Variants in SOX5 observed in about 807,000 individuals in gnomAD.
SOX5 encodes SRY-box transcription factor 5.
A neutral mutation model predicts 92.0 loss-of-function variants in SOX5; 9 were observed. The ratio of observed to expected loss-of-function variants is 0.10; its 90% confidence interval spans 0.06 to 0.17. The LOEUF (loss-of-function observed/expected upper bound fraction) is 0.17. Among genes scored for constraint, SOX5 ranks in the 10% least tolerant of loss-of-function variants. SOX5 has a pLI of 1.00. For synonymous variants in SOX5, 344 were observed against 336.3 expected, an observed-to-expected ratio of 1.02 and a Z score of -0.25; for missense variants, 642 against 944.5, an observed-to-expected ratio of 0.68 and a Z score of 4.20.
intron 12 of SOX5, among the ~76,000 whole-genome samples, chr12:23,544,312 T>C (rs992424086): frequency 2.0e-5 from 3 of 152,130 alleles, no homozygotes; most frequent in African/African-American, 7.2e-5. Context: ...GATACTTGAG[T>C]TTAGGCAAAG....
intron 6 of SOX5, among the ~76,000 whole-genome samples, chr12:23,722,006 T>C (rs575107765): frequency 1.6e-4 from 25 of 152,356 alleles, no homozygotes; most frequent in African/African-American, 6.0e-4. Context: ...TGAGAAATAC[T>C]GCATCTACCT....
chr12:24,377,844 G>A (rs1378262128), intron 1 of SOX5, among the ~76,000 whole-genome samples: 1 of 152,192 alleles, frequency 6.6e-6, no homozygotes, highest in Admixed American at 6.5e-5. Context: ...AGCCCCTAAT[G>A]AGTGCTGGTC....
At chr12:24,387,887 G>A (rs1047391362) in intron 1 of SOX5, among the ~76,000 whole-genome samples, 3 of 152,164 alleles carry the variant, frequency 2.0e-5, no homozygotes, top group East Asian at 1.9e-4. Flanking sequence ...AATCCCAACT[G>A]AGCAGCTCAT....
At chr12:24,455,201 C>A (rs968469291) in intron 1 of SOX5, among the ~76,000 whole-genome samples, 2 of 152,182 alleles carry the variant, frequency 1.3e-5, no homozygotes, top group Non-Finnish European at 2.9e-5. Flanking sequence ...ACAGGAGAAA[C>A]ACATAGTCCT....
intron 4 of SOX5, among the ~76,000 whole-genome samples, chr12:24,104,441 A>C (rs770217762): frequency 6.6e-6 from 1 of 152,230 alleles, no homozygotes; most frequent in Non-Finnish European, 1.5e-5. Flanking sequence ...ATACCATATC[A>C]ATCTGACATT....
At position 24,272,384 on chromosome 12, in the gene SOX5, C is replaced by T. The variant is rs139573513; in HGVS notation, c.-77+4832G>A. Among the ~76,000 whole-genome samples, 284 of 152,202 alleles carry T rather than the reference C, an allele frequency of 1.9e-3. 2 individuals are homozygous for T. Among genetic ancestry groups the T allele is most frequent in the African/African-American group, 6.2e-3 (256 of 41,536 alleles). ...TTTATTTCCTTATCTTTCTTTACTG[C>T]ATTGACTAGGATTTCTAGAAAAATA... On this transcript the variant is annotated intron_variant, in intron 3 of 4. Coordinates refer to the SOX5 transcript ENST00000446891.
chr12:23,710,883 A>C (rs1016103701), intron 6 of SOX5, among the ~76,000 whole-genome samples: 12 of 152,124 alleles, frequency 7.9e-5, no homozygotes, highest in Non-Finnish European at 1.6e-4. Context: ...CCTATTTCTC[A>C]ACATCCTCTC....
intron 1 of SOX5, among the ~76,000 whole-genome samples, chr12:24,462,112 T>C (rs1443057004): frequency 6.6e-6 from 1 of 152,206 alleles, no homozygotes; most frequent in Admixed American, 6.5e-5. Flanking sequence ...TTCATCCTTG[T>C]GTGAATATCA....
chr12:23,552,484 GA>G (rs958375397), intron 11 of SOX5, among the ~76,000 whole-genome samples: 4 of 149,090 alleles, frequency 2.7e-5, no homozygotes, highest in South Asian at 2.1e-4. Context: ...ACAGGATCCT[GA>G]AAAAAAAAGG....
chr12:23,538,799 C>CTTTTTTTTTTTTT (rs67268404), intron 13 of SOX5, among the ~76,000 whole-genome samples: 1 of 108,148 alleles, frequency 9.2e-6, no homozygotes, highest in African/African-American at 3.3e-5. Context: ...CCAGCATTTT[C>CTTTTTTTTTTTTT]TTTTTTTTTT....
chr12:24,067,467 G>C (rs932267612), intron 4 of SOX5, among the ~76,000 whole-genome samples: 1 of 152,090 alleles, frequency 6.6e-6, no homozygotes, highest in Non-Finnish European at 1.5e-5. Flanking sequence ...TCCTTTGTCG[G>C]TGGGTAGCAG....
In SOX5 at chr12:24,401,250, G is replaced by A. The variant is rs184382272; in HGVS notation, c.-250-32611C>T. Among the ~76,000 whole-genome samples, 539 of 151,960 alleles carry A rather than the reference G, an allele frequency of 3.5e-3. 2 individuals are homozygous for A. The highest frequency in any genetic ancestry group is 6.2e-3 in the Non-Finnish European group (423 of 67,962). ...GCCTGTAGTCCCAGCTACTCAGGGGGCTGAGGCAGGAGAATTGCTTCAACC... is the reference window on the plus strand; with the variant it reads ...GCCTGTAGTCCCAGCTACTCAGGGGACTGAGGCAGGAGAATTGCTTCAACC... On this transcript the variant is annotated intron_variant, in intron 1 of 4. Transcript: ENST00000446891.
intron 12 of SOX5, among the ~76,000 whole-genome samples, chr12:23,544,850 GGTTT>G (rs1942809225): frequency 6.6e-6 from 1 of 152,076 alleles, no homozygotes; most frequent in Non-Finnish European, 1.5e-5. Context: ...TCCTAAAATG[GGTTT>G]GTAACTAGCA....
intron 8 of SOX5, among the ~76,000 whole-genome samples, chr12:23,614,313 C>T (rs1395474077): frequency 6.6e-6 from 1 of 152,194 alleles, no homozygotes; most frequent in Admixed American, 6.5e-5. Flanking sequence ...GCAGAAGACC[C>T]TCCTCCCCCT....
chr12:24,224,355 T>C (rs1187829510), intron 3 of SOX5, among the ~76,000 whole-genome samples: 2 of 152,134 alleles, frequency 1.3e-5, no homozygotes, highest in African/African-American at 2.4e-5. Context: ...CTTTTTTTTT[T>C]CGCCTTTTTA....
intron 7 of SOX5, among the ~76,000 whole-genome samples, chr12:23,648,255 T>C (rs2081124611): frequency 6.6e-6 from 1 of 152,220 alleles, no homozygotes; most frequent in South Asian, 2.1e-4. Flanking sequence ...ACTTGCTCTA[T>C]GCAGAATTGC....
chr12:24,409,258 C>G (rs1963611513), intron 1 of SOX5, among the ~76,000 whole-genome samples: 1 of 152,146 alleles, frequency 6.6e-6, no homozygotes, highest in African/African-American at 2.4e-5. Context: ...CACATGTTCT[C>G]ACTCATAAGT....
intron 3 of SOX5, among the ~76,000 whole-genome samples, chr12:23,816,859 C>T (rs557955797): frequency 5.1e-4 from 78 of 152,278 alleles, no homozygotes; most frequent in African/African-American, 1.9e-3. Flanking sequence ...GGCACAAATA[C>T]CACATCACAC....
intron 4 of SOX5, among the ~76,000 whole-genome samples, chr12:24,097,700 T>C (rs1011163836): frequency 5.3e-5 from 8 of 152,150 alleles, no homozygotes; most frequent in Non-Finnish European, 1.0e-4. Flanking sequence ...CCCTCATGTA[T>C]AGGATTGGTA....
Sources: gnomAD v4.1 joint callset for allele counts (sites outside exome capture counted in the v4.1 genomes callset) on GRCh38, gnomAD v4.1.1 for gene constraint, MANE v1.5 for transcripts, NCBI Gene and HGNC (gene_info 2026-07-23, HGNC 2026-07-21) for gene names.